Variants in MYRIP observed in about 807,000 individuals in gnomAD.
MYRIP encodes myosin VIIA and Rab interacting protein, also known as rab effector MyRIP.
In MYRIP, 49 loss-of-function variants were observed where a neutral mutation model predicts 98.0. The observed-to-expected ratio is 0.50, with a 90% CI of 0.40 to 0.63. The LOEUF (loss-of-function observed/expected upper bound fraction) is 0.63. Among genes scored for constraint, MYRIP ranks in the 30% least tolerant of loss-of-function variants. The pLI is 0.00. For synonymous variants in MYRIP, 404 were observed against 409.5 expected (o/e 0.99, Z 0.16); for missense variants, 1,004 against 1,058.2 (o/e 0.95, Z 0.71).
At chr3:39,952,462 A>G (rs926303654) in intron 2 of MYRIP, among the ~76,000 whole-genome samples, 2 of 152,160 alleles carry the variant, frequency 1.3e-5, no homozygotes, top group Non-Finnish European at 2.9e-5. Flanking sequence ...TTTTTCACTA[A>G]TACGGTATAT....
intron 1 of MYRIP, among the ~76,000 whole-genome samples, chr3:39,868,657 C>T (rs551781070): frequency 1.3e-5 from 2 of 152,016 alleles, no homozygotes; most frequent in Non-Finnish European, 2.9e-5. Flanking sequence ...ACTTGCTGAC[C>T]CTAAAGGGTC....
chr3:39,966,434 C>G (rs1945444417), intron 2 of MYRIP, among the ~76,000 whole-genome samples: 1 of 152,178 alleles, frequency 6.6e-6, no homozygotes, highest in African/African-American at 2.4e-5. Flanking sequence ...TTCTTAAAGG[C>G]ACAGATTATA....
At chr3:40,093,150 C>T (rs761201478) in intron 3 of MYRIP, among the ~76,000 whole-genome samples, 2 of 152,076 alleles carry the variant, frequency 1.3e-5, no homozygotes, top group African/African-American at 4.8e-5. Context: ...AAGAGAGAGC[C>T]CAGTAGTGAT....
At chr3:40,157,677 G>C (rs1287285161) in intron 4 of MYRIP, among the ~76,000 whole-genome samples, 3 of 150,434 alleles carry the variant, frequency 2.0e-5, no homozygotes, top group Non-Finnish European at 4.4e-5. Flanking sequence ...TTCAGATCCT[G>C]TTATTGGTCT....
At chr3:40,049,006 T>C (rs1242366660) in intron 3 of MYRIP, among the ~76,000 whole-genome samples, 6 of 152,188 alleles carry the variant, frequency 3.9e-5, no homozygotes, top group African/African-American at 1.4e-4. Context: ...TAAGGTCTTC[T>C]TCAGGAAGCA....
chr3:40,075,157 C>T (rs1431776153), intron 3 of MYRIP, among the ~76,000 whole-genome samples: 2 of 152,090 alleles, frequency 1.3e-5, no homozygotes, highest in Non-Finnish European at 2.9e-5. Context: ...TATGGGAAAA[C>T]AGGCAATCTA....
chr3:40,189,226 G>A (rs1951127304), intron 9 of MYRIP, among the ~76,000 whole-genome samples: 2 of 152,194 alleles, frequency 1.3e-5, no homozygotes, highest in South Asian at 4.1e-4. Flanking sequence ...TCCATAAAAT[G>A]ACATTGGAAA....
chr3:39,903,885 T>C (rs187529216), intron 2 of MYRIP, among the ~76,000 whole-genome samples: 328 of 152,336 alleles, frequency 2.2e-3, no homozygotes, highest in Non-Finnish European at 3.3e-3. Context: ...CTTAAAATAA[T>C]TCCTTAGTAT....
intron 2 of MYRIP, among the ~76,000 whole-genome samples, chr3:39,927,773 A>G (rs1944449384): frequency 6.6e-6 from 1 of 152,094 alleles, no homozygotes; most frequent in Non-Finnish European, 1.5e-5. Context: ...CCTGATGCAC[A>G]TAGATGTGAA....
chr3:40,219,947 A>C (rs1467454165), intron 11 of MYRIP, among the ~76,000 whole-genome samples: 5 of 147,212 alleles, frequency 3.4e-5, no homozygotes, highest in African/African-American at 1.3e-4. Flanking sequence ...TTACAGTCCC[A>C]CCAACAGTGT....
Position 40,251,868 on chromosome 3 carries a change from T to C in MYRIP, c.2429-13T>C. 6.4e-7 allele frequency: 1 copy of C among 1,560,158 alleles called. No homozygotes were observed. The highest frequency in any genetic ancestry group is 8.8e-7 in the Non-Finnish European group (1 of 1,131,092). ...CTTCTGGGTAACATTTTTTCCCATT[T>C]ATTTCCTTTTAGCTGAAAAAATTGA... On this transcript the variant is annotated splice_polypyrimidine_tract_variant and intron_variant, in intron 15 of 16. Coordinates refer to ENST00000302541, the MANE Select transcript of MYRIP (RefSeq NM_015460.4).
intron 3 of MYRIP, among the ~76,000 whole-genome samples, chr3:40,052,419 G>A (rs529428186): frequency 2.4e-4 from 37 of 152,162 alleles, no homozygotes; most frequent in African/African-American, 8.9e-4. Context: ...AATATCCTTT[G>A]AAAAATACAT....
At chr3:39,919,725 T>TGA (rs1338639798) in intron 2 of MYRIP, among the ~76,000 whole-genome samples, 6,500 of 143,656 alleles carry the variant, frequency 0.045, 207 homozygotes, top group East Asian at 0.12. Context: ...TGTGTGTGTG[T>TGA]GTGAGAGAGA....
intron 10 of MYRIP, among the ~76,000 whole-genome samples, chr3:40,195,723 C>A (rs1364272539): frequency 2.0e-5 from 3 of 151,856 alleles, no homozygotes; most frequent in African/African-American, 7.3e-5. Flanking sequence ...AAGCAGATTC[C>A]ACTTGTTGGT....
In MYRIP at chr3:40,155,129, T is replaced by G. The variant is rs540398663; in HGVS notation, c.469+3945T>G. 4.7e-5 allele frequency among the ~76,000 whole-genome samples: 7 copies of G among 148,876 alleles called. No individual in the cohort carries two copies. The East Asian group carries it at 8.0e-4, about 17-fold the overall frequency. ...TAGCATTAGGTATATCTCCTAACGC[T>G]ATCCCTCCACCCTCCCCCCACCCCA... On this transcript the variant is annotated intron_variant, in intron 4 of 16. Coordinates refer to ENST00000302541, the MANE Select transcript of MYRIP (RefSeq NM_015460.4).
chr3:39,959,821 G>C (rs1296456470), intron 2 of MYRIP, among the ~76,000 whole-genome samples: 1 of 152,056 alleles, frequency 6.6e-6, no homozygotes, highest in Non-Finnish European at 1.5e-5. Flanking sequence ...CCGAAGCAGA[G>C]TTCAACAGAT....
intron 1 of MYRIP, among the ~76,000 whole-genome samples, chr3:39,886,359 G>A (rs925813626): frequency 1.3e-5 from 2 of 150,524 alleles, no homozygotes; most frequent in Non-Finnish European, 3.0e-5. Context: ...AAATGTAAAT[G>A]GACTAAATGC....
chr3:40,115,249 T>G (rs1163058679), intron 3 of MYRIP, among the ~76,000 whole-genome samples: 2 of 152,162 alleles, frequency 1.3e-5, no homozygotes, highest in African/African-American at 4.8e-5. Context: ...AAAATAAAAT[T>G]AGTATTTTAA....
At chr3:40,099,634 C>T (rs183329698) in intron 3 of MYRIP, among the ~76,000 whole-genome samples, 1 of 152,266 alleles carries the variant, frequency 6.6e-6, no homozygotes, top group East Asian at 1.9e-4. Context: ...CTGATTTGCC[C>T]TGCCCAAAAA....
Sources: gnomAD v4.1 joint callset for allele counts (sites outside exome capture counted in the v4.1 genomes callset) on GRCh38, gnomAD v4.1.1 for gene constraint, MANE v1.5 for transcripts, NCBI Gene and HGNC (gene_info 2026-07-23, HGNC 2026-07-21) for gene names.